The following DPYSL2 variants were observed in gnomAD, a reference collection of about 807,000 sequenced individuals.
DPYSL2 encodes the protein dihydropyrimidinase like 2.
In DPYSL2, 13 loss-of-function variants were observed where a neutral mutation model predicts 69.9. The observed-to-expected ratio is 0.19, with a 90% confidence interval of 0.12 to 0.30. DPYSL2 has a LOEUF of 0.30. Ranked by LOEUF, DPYSL2 falls within the 10% of genes least tolerant of loss-of-function variation. The pLI, the probability that DPYSL2 is intolerant of heterozygous loss-of-function variation, is 1.00. For missense variants in DPYSL2, 587 were observed against 918.9 expected (o/e 0.64, Z 4.67); for synonymous variants, 326 against 359.1 (o/e 0.91, Z 1.04).
chr8:26,531,149 T>C (rs933205844), intron 1 of DPYSL2, among the ~76,000 whole-genome samples: 4 of 151,652 alleles, frequency 2.6e-5, no homozygotes, highest in Admixed American at 6.6e-5. Context: ...CATTATTGCA[T>C]TGGGGATTAG....
chr8:26,546,605 C>A (rs1251192090), intron 1 of DPYSL2, among the ~76,000 whole-genome samples: 1 of 152,074 alleles, frequency 6.6e-6, no homozygotes, highest in Non-Finnish European at 1.5e-5. Context: ...AGATGCTAGA[C>A]TTTTATTCTC....
Position 26,535,633 on chromosome 8 carries a change from A to T in DPYSL2, c.354+20954A>T, listed in dbSNP as rs545857552. ...AACAGACTGATATATATATATATAT[A>T]TATTTTTTTTTTCAGTGTAGGGAGC... On this transcript the variant is annotated intron_variant, in intron 1 of 13. Coordinates refer to ENST00000521913, the MANE Select transcript of DPYSL2 (RefSeq NM_001197293.3). Among the ~76,000 whole-genome samples the T allele has an allele frequency of 8.5e-3, 1,277 of 149,932 alleles. 14 individuals carry two copies. The highest frequency in any genetic ancestry group is 0.029 in the African/African-American group (1,163 of 40,316).
At chr8:26,550,003 TA>T (rs1800847400) in intron 1 of DPYSL2, among the ~76,000 whole-genome samples, 1 of 152,148 alleles carries the variant, frequency 6.6e-6, no homozygotes. Flanking sequence ...TAAATCAAGG[TA>T]AAATAAAGTA....
rs1009926747 is a variant in DPYSL2 at position 26,617,666 on chromosome 8, G to A, written c.629-6477G>A. Among the ~76,000 whole-genome samples the A allele has an allele frequency of 1.3e-5, 2 of 152,216 alleles. No individual in the cohort carries two copies. The highest frequency in any genetic ancestry group is 2.9e-5 in the Non-Finnish European group (2 of 68,036). On this transcript the variant is annotated intron_variant, in intron 3 of 13. Transcript: ENST00000521913. The surrounding 1 kb of genome is among the most constrained non-coding windows in gnomAD (Gnocchi z 4.7). ...CATTAGGGAACCGCTTGAGGCAGGA[G>A]GGGAAGGAAGCACTGATTCTCGCTG...
At chr8:26,548,157 G>T in intron 1 of DPYSL2, 1 of 227,912 alleles carries the variant, frequency 4.4e-6, no homozygotes, top group Non-Finnish European at 9.1e-6. Context: ...CAAGACCAAA[G>T]TGGTTCCAGA....
chr8:26,525,806 G>A (rs894134374), intron 1 of DPYSL2, among the ~76,000 whole-genome samples: 8 of 151,924 alleles, frequency 5.3e-5, no homozygotes, highest in East Asian at 1.9e-4. Context: ...CGTTTTCCCC[G>A]TCACTCAAAT....
intron 1 of DPYSL2, among the ~76,000 whole-genome samples, chr8:26,566,379 T>C (rs1211830526): frequency 2.6e-5 from 4 of 152,216 alleles, no homozygotes; most frequent in Non-Finnish European, 5.9e-5. Flanking sequence ...ATTGGAAACC[T>C]GAGGGAATTA....
At chr8:26,550,056 C>T (rs1181378017) in intron 1 of DPYSL2, among the ~76,000 whole-genome samples, 1 of 152,072 alleles carries the variant, frequency 6.6e-6, no homozygotes, top group East Asian at 1.9e-4. Context: ...CAACAGATAC[C>T]TGTTTGTCCA....
intron 3 of DPYSL2, among the ~76,000 whole-genome samples, chr8:26,601,926 A>G (rs1802002127): frequency 6.6e-6 from 1 of 152,266 alleles, no homozygotes; most frequent in African/African-American, 2.4e-5. Flanking sequence ...ACAGGATTGT[A>G]TATGACTGTT....
chr8:26,615,456 A>G (rs953959267), intron 3 of DPYSL2, among the ~76,000 whole-genome samples: 4 of 152,112 alleles, frequency 2.6e-5, no homozygotes, highest in African/African-American at 9.7e-5. Flanking sequence ...GACCGACGGG[A>G]GAGCTGGGTA....
At position 26,514,579 on chromosome 8, in the gene DPYSL2, A is replaced by G; in HGVS notation, c.254A>G (p.Gln85Arg). 2 of 1,518,082 alleles carry G rather than the reference A, an allele frequency of 1.3e-6. No homozygotes were observed. Among genetic ancestry groups the G allele is most frequent in the Non-Finnish European group, 1.8e-6 (2 of 1,138,448 alleles). The allele number at this position is 1,518,082 out of a possible 1,614,324, so 94.0% of individuals were successfully genotyped here. The change falls in exon 1 of 14, where the codon CAG becomes CGG. Residue 85 changes from glutamine to arginine, a missense_variant. Gln to Arg is a conservative substitution (Grantham distance 43, BLOSUM62 1). Transcript: ENST00000521913. The surrounding 1 kb of genome is among the most constrained non-coding windows in gnomAD (Gnocchi z 8.4). Reference protein sequence around the residue: ...GPDPQPPYSRQGRRAGGEPSV... With the variant: ...GPDPQPPYSRRGRRAGGEPSV... ...GACCCGCAGCCGCCGTACTCGCGGC[A>G]GGGCCGGCGCGCCGGCGGAGAGCCA... is the stretch of plus-strand genomic sequence containing the variant.
chr8:26,629,145 A>G (rs765025736), intron 7 of DPYSL2, among the ~76,000 whole-genome samples: 46 of 152,286 alleles, frequency 3.0e-4, no homozygotes, highest in Middle Eastern at 6.8e-3. Flanking sequence ...GCTTTGTTCT[A>G]TCCTTCTTGC....
rs534554845 is a variant in DPYSL2 at position 26,604,836 on chromosome 8, A to AT, written c.629-19298dup. 3.3e-5 allele frequency among the ~76,000 whole-genome samples: 5 copies of AT among 149,990 alleles called. No homozygotes were observed. In the South Asian group the frequency reaches 8.5e-4, roughly 25 times the overall value. On this transcript the variant is annotated intron_variant, in intron 3 of 13. Coordinates refer to ENST00000521913, the MANE Select transcript of DPYSL2 (RefSeq NM_001197293.3). Reference sequence around the variant, plus strand: ...GCCACCACACCTGGCTAATTTTTGCATTTTTTTTTAGTAGAGACGGGGTTT... The same window carrying AT: ...GCCACCACACCTGGCTAATTTTTGCATTTTTTTTTTAGTAGAGACGGGGTTT...
At chr8:26,519,392 G>T (rs1170670057) in intron 1 of DPYSL2, among the ~76,000 whole-genome samples, 1 of 152,172 alleles carries the variant, frequency 6.6e-6, no homozygotes, top group Non-Finnish European at 1.5e-5. Flanking sequence ...ATAGTCCCAG[G>T]ACTGGGAGAG....
chr8:26,577,739 C>T, intron 1 of DPYSL2: 2 of 914,040 alleles, frequency 2.2e-6, no homozygotes, highest in South Asian at 1.0e-4. Context: ...CCAGCGCGGG[C>T]GCTCGCGCCG....
intron 1 of DPYSL2, among the ~76,000 whole-genome samples, chr8:26,521,463 C>T (rs1808382939): frequency 1.6e-5 from 2 of 126,570 alleles, no homozygotes; most frequent in Non-Finnish European, 1.8e-5. Context: ...AGCTATGCTG[C>T]CCATGGCTGT....
At chr8:26,563,406 T>A (rs1363140857) in intron 1 of DPYSL2, among the ~76,000 whole-genome samples, 1 of 152,256 alleles carries the variant, frequency 6.6e-6, no homozygotes, top group Non-Finnish European at 1.5e-5. Context: ...GAAACTTTGC[T>A]GCAAAAATTG....
In DPYSL2 at chr8:26,655,645, G is replaced by A; in HGVS notation, c.1973G>A (p.Arg658His). Reference protein sequence around the residue: ...GAQIDDNIPRRTTQRIVAPPG... With the variant: ...GAQIDDNIPRHTTQRIVAPPG... ...CAGATTGATGACAACATTCCCCGCC[G>A]CACCACCCAGCGTATCGTGGCGCCC... Residue 658 changes from arginine (R) to histidine (H), a missense_variant, in exon 14 of 14, where the codon CGC becomes CAC. By Grantham distance (29) the Arg-to-His change is conservative. Around this residue, in one of 3 missense-constraint regions of DPYSL2, gnomAD observed 452 missense variants for 754.3 expected, o/e 0.60. Transcript: ENST00000521913. 6.2e-7 allele frequency: 1 copy of A among 1,609,984 alleles called. No individual in the cohort carries two copies. Among genetic ancestry groups the A allele is most frequent in the Non-Finnish European group, 8.5e-7 (1 of 1,179,124 alleles).
At chr8:26,535,901 TG>T (rs1451677789) in intron 1 of DPYSL2, among the ~76,000 whole-genome samples, 1 of 60,632 alleles carries the variant, frequency 1.6e-5, no homozygotes, top group Non-Finnish European at 3.9e-5. Context: ...CTATGGGTTG[TG>T]TGTGTGTGTG....
Sources: gnomAD v4.1 joint callset for allele counts (sites outside exome capture counted in the v4.1 genomes callset) on GRCh38, gnomAD v4.1.1 for gene constraint, gnomAD v4.1.1 regional missense constraint, Gnocchi (gnomAD v3.1) non-coding constraint, MANE v1.5 for transcripts, NCBI Gene and HGNC (gene_info 2026-07-23, HGNC 2026-07-21) for gene names.